The following PRICKLE2 variants were observed in gnomAD, a reference collection of about 807,000 sequenced individuals.
PRICKLE2 encodes prickle planar cell polarity protein 2, also known as prickle-like protein 2.
In PRICKLE2, 21 loss-of-function variants were observed where a neutral mutation model predicts 81.4. That is an observed-to-expected ratio of 0.26 (90% CI 0.18 to 0.37). The LOEUF is 0.37. PRICKLE2 is among the 10% of genes least tolerant of loss of function. The pLI, the probability that PRICKLE2 is intolerant of heterozygous loss-of-function variation, is 1.00. For missense variants in PRICKLE2, 940 were observed against 1,109.0 expected (o/e 0.85, Z 2.16); for synonymous variants, 456 against 421.5 (o/e 1.08, Z -1.00).
chr3:64,216,004 G>A (rs986233667), intron 1 of PRICKLE2, among the ~76,000 whole-genome samples: 4 of 152,194 alleles, frequency 2.6e-5, no homozygotes, highest in East Asian at 1.9e-4. Flanking sequence ...CTGAGACCAC[G>A]ACCGTCAATT....
In PRICKLE2 at chr3:64,142,269, G is replaced by C. The variant is rs190059309; in HGVS notation, c.1660+4561C>G. Among the ~76,000 whole-genome samples the C allele has an allele frequency of 7.0e-3, 1,052 of 149,474 alleles. 15 individuals carry two copies. Among genetic ancestry groups the C allele is most frequent in the Non-Finnish European group, 6.8e-3 (462 of 67,512 alleles). On this transcript the variant is annotated intron_variant, in intron 7 of 7. Transcript: ENST00000638394. ...TGTTTTTCATGGTTTTCTCAGGCTG[G>C]TTAGGAAAAAAGGAGCCTGCAGGAG...
chr3:64,267,644 C>T (rs1412557836), intron 2 of PRICKLE2, among the ~76,000 whole-genome samples: 3 of 152,132 alleles, frequency 2.0e-5, no homozygotes, highest in Admixed American at 6.6e-5. Context: ...ATACCACCAT[C>T]GCCTCGTGAT....
At chr3:64,152,557 T>G (rs2077564439) in intron 6 of PRICKLE2, among the ~76,000 whole-genome samples, 1 of 152,146 alleles carries the variant, frequency 6.6e-6, no homozygotes, top group Non-Finnish European at 1.5e-5. Context: ...TTGCTATTTT[T>G]TTTTTTTTAA....
chr3:64,205,273 T>C (rs577917080), intron 1 of PRICKLE2, among the ~76,000 whole-genome samples: 1 of 152,166 alleles, frequency 6.6e-6, no homozygotes, highest in Non-Finnish European at 1.5e-5. Context: ...GCAAATCCTC[T>C]ACCCCAAAGT....
At chr3:64,155,035 G>A (rs930632179) in intron 5 of PRICKLE2, 9 of 150,926 alleles carry the variant, frequency 6.0e-5, no homozygotes, top group African/African-American at 2.2e-4. Flanking sequence ...TCTAATCCCA[G>A]CTACTCAGGA....
chr3:64,147,810 G>A lies in PRICKLE2; in HGVS notation c.788-108C>T. The A allele has an allele frequency of 8.5e-7, 1 of 1,172,736 alleles. No homozygotes were observed. The highest frequency in any genetic ancestry group is 1.3e-6 in the Non-Finnish European group (1 of 789,966). 72.6% of individuals were successfully genotyped at this position (1,172,736 alleles called of 1,614,324 possible). ...TGTCTCAGGATTCCAGGTGCGGCAG[G>A]ATAAACTGTCAATAAATCAACAATC... On this transcript the variant is annotated intron_variant, in intron 6 of 7. Coordinates refer to ENST00000638394, the MANE Select transcript of PRICKLE2 (RefSeq NM_198859.4). This position sits in a 1 kb window ranked among gnomAD's most constrained non-coding sequence, Gnocchi z 5.0.
intron 2 of PRICKLE2, chr3:64,187,643 G>C (rs2078260008): frequency 6.6e-6 from 1 of 152,192 alleles, no homozygotes; most frequent in Non-Finnish European, 1.5e-5. Flanking sequence ...GTTTTAGAAG[G>C]GCTATTAGAT....
intron 5 of PRICKLE2, chr3:64,154,637 T>C (rs1045778068): frequency 6.6e-6 from 1 of 152,164 alleles, no homozygotes; most frequent in Non-Finnish European, 1.5e-5. Flanking sequence ...TAAATCTTTA[T>C]GATCTTGAAC....
At chr3:64,104,121 G>T (rs770592560) in intron 7 of PRICKLE2, among the ~76,000 whole-genome samples, 1 of 152,118 alleles carries the variant, frequency 6.6e-6, no homozygotes, top group Non-Finnish European at 1.5e-5. Flanking sequence ...TTCGTTCCTG[G>T]GATAACTGTC....
At chr3:64,131,644 T>C (rs1284157214) in intron 7 of PRICKLE2, among the ~76,000 whole-genome samples, 1 of 152,192 alleles carries the variant, frequency 6.6e-6, no homozygotes, top group South Asian at 2.1e-4. Flanking sequence ...ATCCAGGACA[T>C]AACCAAGAGA....
rs768214831 is a variant in PRICKLE2 at position 64,157,252 on chromosome 3, C to T, written c.510G>A (p.Val170=). ...CATCTTGGTAAAAGTAGATCAGATC[C>T]ACCAGGAGCTCATTGCAGACAGTGC... ...FVCTVCNELL[V]DLIYFYQDGK... The change falls in exon 5 of 8, where the codon GTG becomes GTA. Residue 170 remains valine, a synonymous_variant. Coordinates refer to ENST00000638394, the MANE Select transcript of PRICKLE2 (RefSeq NM_198859.4). 6.2e-7 allele frequency: 1 copy of T among 1,614,234 alleles called. No individual in the cohort carries two copies. The highest frequency in any genetic ancestry group is 8.5e-7 in the Non-Finnish European group (1 of 1,180,040).
At chr3:64,186,067 A>G (rs1352343371) in intron 2 of PRICKLE2, among the ~76,000 whole-genome samples, 2 of 152,232 alleles carry the variant, frequency 1.3e-5, no homozygotes, top group Non-Finnish European at 1.5e-5. Context: ...ATTTGGAATA[A>G]TGATTCTCAG....
At chr3:64,163,252 G>T in intron 2 of PRICKLE2, 123 bp from the exon 3 acceptor site, 1 of 752,200 alleles carries the variant, frequency 1.3e-6, no homozygotes, top group Non-Finnish European at 2.5e-6. Context: ...GACTCTTTAT[G>T]AAAGTCAACA....
intron 2 of PRICKLE2, among the ~76,000 whole-genome samples, chr3:64,174,128 A>T (rs555909933): frequency 6.6e-6 from 1 of 152,202 alleles, no homozygotes; most frequent in Non-Finnish European, 1.5e-5. Flanking sequence ...GATTCTTAAT[A>T]GAGAAAAAAA....
At chr3:64,120,929 C>T (rs924663823) in intron 7 of PRICKLE2, among the ~76,000 whole-genome samples, 1 of 152,186 alleles carries the variant, frequency 6.6e-6, no homozygotes, top group Non-Finnish European at 1.5e-5. Context: ...TCTCTGCCAA[C>T]AAACAACAAA....
chr3:64,208,403 C>T (rs2078727446), intron 1 of PRICKLE2, among the ~76,000 whole-genome samples: 2 of 152,310 alleles, frequency 1.3e-5, no homozygotes, highest in South Asian at 4.1e-4. Context: ...CTACCTTATA[C>T]ATCCCTCGCA....
intron 2 of PRICKLE2, among the ~76,000 whole-genome samples, chr3:64,257,215 G>C (rs1229632308): frequency 6.6e-6 from 1 of 152,176 alleles, no homozygotes; most frequent in Non-Finnish European, 1.5e-5. Context: ...TTAAACCAGT[G>C]GTTCCCAACC....
intron 2 of PRICKLE2, among the ~76,000 whole-genome samples, chr3:64,184,641 TA>T (rs67135736): frequency 0.028 from 4,155 of 150,082 alleles, 181 homozygotes; most frequent in African/African-American, 0.096. Flanking sequence ...CTGACTGATT[TA>T]AAAAAAAAAA....
At chr3:64,250,727 G>T (rs2079435004) in intron 2 of PRICKLE2, among the ~76,000 whole-genome samples, 1 of 152,190 alleles carries the variant, frequency 6.6e-6, no homozygotes, top group East Asian at 1.9e-4. Flanking sequence ...CTGTATCACT[G>T]TAGTGCATGG....
Sources: gnomAD v4.1 joint callset for allele counts (sites outside exome capture counted in the v4.1 genomes callset) on GRCh38, gnomAD v4.1.1 for gene constraint, Gnocchi (gnomAD v3.1) non-coding constraint, MANE v1.5 for transcripts, NCBI Gene and HGNC (gene_info 2026-07-23, HGNC 2026-07-21) for gene names.